Variants in DSP observed in about 807,000 individuals in gnomAD.
DSP encodes desmoplakin, also known as 250/210 kDa paraneoplastic pemphigus antigen.
Under a neutral mutation model 290.6 loss-of-function variants are expected in DSP, and 114 were observed. That is an observed-to-expected ratio of 0.39 (90% CI 0.34 to 0.46). DSP has a LOEUF of 0.46. DSP is among the 20% of genes least tolerant of loss of function. DSP has a pLI of 0.99. For missense variants in DSP, 3,230 were observed against 3,495.8 expected (o/e 0.92, Z 1.92); for synonymous variants, 1,311 against 1,316.4 (o/e 1.00, Z 0.09).
At chr6:7,574,529 A>G (rs1042770356) in intron 16 of DSP, 128 bp from the exon 17 acceptor site, 5 of 1,424,556 alleles carry the variant, frequency 3.5e-6, no homozygotes, top group Non-Finnish European at 4.9e-6. Context: ...ACAATAGACC[A>G]AAAAACAGAC....
chr6:7,585,605 A>T lies in DSP; in HGVS notation c.8343A>T (p.Leu2781Phe), dbSNP rs755270593. The T allele has an allele frequency of 4.3e-6, 7 of 1,614,086 alleles. No homozygotes were observed. The highest frequency in any genetic ancestry group is 4.5e-5 in the East Asian group (2 of 44,894). Residue 2781 changes from leucine to phenylalanine, a missense_variant, in exon 24 of 24, where the codon TTA becomes TTT. Coordinates refer to ENST00000379802, the MANE Select transcript of DSP (RefSeq NM_004415.4). ...TCCTGACCTGCCCCAAAACCAAATT[A>T]AAAATATCCTATAAGGATGCCATAA... ...AKILTCPKTK[L>F]KISYKDAINR...
At chr6:7,578,440 T>C in intron 21 of DSP, 24 bp from the exon 22 acceptor site, 1 of 1,602,924 alleles carries the variant, frequency 6.2e-7, no homozygotes, top group Non-Finnish European at 8.5e-7. Context: ...TATCTTTTTC[T>C]TTCTTTCCTT....
intron 1 of DSP, 109 bp downstream of exon 1, chr6:7,542,194 T>G: frequency 2.1e-6 from 3 of 1,444,792 alleles, no homozygotes; most frequent in Non-Finnish European, 2.8e-6. Context: ...AAGGTTTTTT[T>G]GCCCCAGGTC....
chr6:7,559,726 T>C (rs1194320813), intron 4 of DSP, among the ~76,000 whole-genome samples: 1 of 152,172 alleles, frequency 6.6e-6, no homozygotes, highest in Non-Finnish European at 1.5e-5. Context: ...GTTGTGGGAG[T>C]TTATGTGCTA....
At chr6:7,578,335 A>G (rs1262217375) in intron 21 of DSP, 129 bp from the exon 22 acceptor site, 4 of 790,234 alleles carry the variant, frequency 5.1e-6, no homozygotes, top group Non-Finnish European at 6.2e-6. Context: ...TGATTTTGGA[A>G]TGAACACACT....
chr6:7,567,640 C>G (rs1758902116), intron 9 of DSP, 141 bp from the exon 10 acceptor site: 7 of 1,361,196 alleles, frequency 5.1e-6, no homozygotes, highest in Non-Finnish European at 7.2e-6. Flanking sequence ...TGCCACATAC[C>G]TAAATACTTT....
In DSP at chr6:7,558,210, G is replaced by C; in HGVS notation, c.368G>C (p.Ser123Thr). 6.2e-7 allele frequency: 1 copy of C among 1,614,232 alleles called. No individual in the cohort carries two copies. Among genetic ancestry groups the C allele is most frequent in the Non-Finnish European group, 8.5e-7 (1 of 1,180,036 alleles). Residue 123 changes from serine to threonine, a missense_variant, in exon 3 of 24, where the codon AGC becomes ACC. Ser to Thr is a moderately conservative substitution (Grantham distance 58). Transcript: ENST00000379802. ...QANDQMEILD[S>T]LIREMRQMGQ... is the part of the protein sequence containing the mutation. Reference sequence around the variant, plus strand: ...AATGACCAAATGGAAATCCTCGACAGCTTGATCAGAGAGATGCGGCAGATG... The same window carrying C: ...AATGACCAAATGGAAATCCTCGACACCTTGATCAGAGAGATGCGGCAGATG...
rs374090050 is a variant in DSP at position 7,583,449 on chromosome 6, C to G, written c.6187C>G (p.Arg2063Gly). 3.1e-6 allele frequency: 5 copies of G among 1,614,026 alleles called. No individual in the cohort carries two copies. The African/African-American group carries it at 4.0e-5, about 13-fold the overall frequency. Residue 2063 changes from arginine to glycine, a missense_variant, in exon 24 of 24, where the codon CGG (arginine) becomes GGG (glycine). Physicochemically the swap from Arg to Gly is moderately radical, Grantham distance 125. This residue lies in a region of DSP where 1,714 missense variants were observed against 1,844.5 expected (regional missense o/e 0.93). Coordinates refer to ENST00000379802, the MANE Select transcript of DSP (RefSeq NM_004415.4). This position sits in a 1 kb window ranked among gnomAD's most constrained non-coding sequence, Gnocchi z 4.0. Reference protein sequence around the residue: ...AATGGIIDPHRNEKLTVDSAI... With the variant: ...AATGGIIDPHGNEKLTVDSAI... ...TACAGGTGGTATAATTGATCCCCAT[C>G]GGAATGAGAAGCTGACTGTCGACAG...
At chr6:7,554,855 A>G (rs1318257517) in intron 1 of DSP, among the ~76,000 whole-genome samples, 2 of 151,446 alleles carry the variant, frequency 1.3e-5, no homozygotes, top group Non-Finnish European at 2.9e-5. Flanking sequence ...GGGTCTTGCT[A>G]TGTTGCTCAG....
At chr6:7,542,144 C>T in intron 1 of DSP, 59 bp downstream of exon 1, 1 of 1,535,902 alleles carries the variant, frequency 6.5e-7, no homozygotes, top group Non-Finnish European at 8.8e-7. Flanking sequence ...AGGGACCGTC[C>T]TCCTCTGGAC....
chr6:7,563,612 A>C, intron 5 of DSP, 124 bp from the exon 6 acceptor site: 24 of 792,630 alleles, frequency 3.0e-5, no homozygotes, highest in Non-Finnish European at 4.6e-5. Flanking sequence ...TAGAGCTAGT[A>C]ATTCTTTCTT....
chr6:7,548,234 T>A (rs1433249037), intron 1 of DSP, among the ~76,000 whole-genome samples: 1 of 151,066 alleles, frequency 6.6e-6, no homozygotes, highest in African/African-American at 2.4e-5. Context: ...GCCACTGCAC[T>A]CCAGCCTGGG....
chr6:7,561,044 C>T (rs1758672107), intron 4 of DSP, among the ~76,000 whole-genome samples: 3 of 151,866 alleles, frequency 2.0e-5, no homozygotes, highest in Admixed American at 1.3e-4. Context: ...CTCTATCTCC[C>T]GGGTTCAAGC....
At chr6:7,577,678 T>G (rs1759282084) in intron 20 of DSP, 101 bp from the exon 21 acceptor site, 2 of 974,134 alleles carry the variant, frequency 2.1e-6, no homozygotes, top group African/African-American at 1.6e-5. Flanking sequence ...AGTGGGCAAT[T>G]AGACGTGCAG....
rs1382880419 is a variant in DSP at position 7,586,596 on chromosome 6, A to G, written c.*718A>G. On this transcript the variant is annotated 3_prime_UTR_variant, in exon 24 of 24. Coordinates refer to ENST00000379802, the MANE Select transcript of DSP (RefSeq NM_004415.4). ...TGAAGTGTTTGTGTTTTAATTTAAT[A>G]TGTTTATAAGCATGTATAAACATTT... 1 of 152,236 alleles carries G rather than the reference A, an allele frequency of 6.6e-6. No individual in the cohort carries two copies. The highest frequency in any genetic ancestry group is 1.5e-5 in the Non-Finnish European group (1 of 68,046). 9.4% of individuals were successfully genotyped at this position (152,236 alleles called of 1,614,324 possible).
At chr6:7,562,105 G>A (rs974598012) in intron 4 of DSP, among the ~76,000 whole-genome samples, 4 of 152,174 alleles carry the variant, frequency 2.6e-5, no homozygotes, top group African/African-American at 9.7e-5. Flanking sequence ...GGCCCATAGG[G>A]AGTTTTGCAT....
chr6:7,560,689 C>G (rs1758655981), intron 4 of DSP, among the ~76,000 whole-genome samples: 1 of 152,182 alleles, frequency 6.6e-6, no homozygotes, highest in Non-Finnish European at 1.5e-5. Context: ...TGGAGTGGAA[C>G]AGTCACAGGA....
At position 7,579,311 on chromosome 6, in the gene DSP, C is replaced by A; in HGVS notation, c.3121C>A (p.Leu1041Ile). 1 of 1,614,146 alleles carries A rather than the reference C, an allele frequency of 6.2e-7. No homozygotes were observed. The highest frequency in any genetic ancestry group is 8.5e-7 in the Non-Finnish European group (1 of 1,180,032). Residue 1041 changes from leucine (L) to isoleucine (I), a missense_variant, in exon 23 of 24, where the codon CTC becomes ATC. Transcript: ENST00000379802. The surrounding 1 kb of genome is among the most constrained non-coding windows in gnomAD (Gnocchi z 4.1). ...NTKIEVLEEELRLARDANSEN... is the reference protein window; with the variant it reads ...NTKIEVLEEEIRLARDANSEN... ...CAAGATCGAAGTTTTGGAAGAGGAG[C>A]TCAGACTGGCCCGAGATGCCAACTC...
In DSP at chr6:7,579,691, G is replaced by T. The variant is rs1181074160; in HGVS notation, c.3501G>T (p.Lys1167Asn). The T allele has an allele frequency of 6.2e-7, 1 of 1,613,688 alleles. No homozygotes were observed. Among genetic ancestry groups the T allele is most frequent in the African/African-American group, 1.3e-5 (1 of 74,868 alleles). The change falls in exon 23 of 24, where the codon AAG becomes AAT. Residue 1167 changes from lysine to asparagine, a missense_variant. Physicochemically the swap from Lys to Asn is moderately conservative, Grantham distance 94. Transcript: ENST00000379802. The surrounding 1 kb of genome is among the most constrained non-coding windows in gnomAD (Gnocchi z 4.1). ...KLESEKAIKE[K>N]EYEIERLRVL... ...AGTCTGAGAAAGCCATCAAGGAGAA[G>T]GAGTACGAGATTGAAAGGTTGAGGG...
Sources: allele counts gnomAD v4.1 joint callset (sites outside exome capture counted in the v4.1 genomes callset), GRCh38; gene constraint gnomAD v4.1.1; regional missense constraint gnomAD v4.1.1; non-coding constraint Gnocchi (gnomAD v3.1); transcripts MANE v1.5; gene names NCBI Gene and HGNC (gene_info 2026-07-23, HGNC 2026-07-21).